Variants in HIF1AN observed in about 807,000 individuals in gnomAD.
HIF1AN encodes the protein hypoxia inducible factor 1 subunit alpha inhibitor.
Under a neutral mutation model 47.7 loss-of-function variants are expected in HIF1AN, and 21 were observed. The observed-to-expected ratio is 0.44, with a 90% confidence interval of 0.31 to 0.63. The LOEUF (loss-of-function observed/expected upper bound fraction) is 0.63, where lower values mean the gene tolerates loss of function less well. Among genes scored for constraint, HIF1AN ranks in the 30% least tolerant of loss-of-function variants. The pLI is 0.07. For synonymous variants in HIF1AN, 152 were observed against 155.9 expected, an observed-to-expected ratio of 0.98 and a Z score of 0.18; for missense variants, 320 against 432.7, an observed-to-expected ratio of 0.74 and a Z score of 2.31.
At chr10:100,543,861 G>C (rs1029953084) in intron 3 of HIF1AN, among the ~76,000 whole-genome samples, 3 of 152,338 alleles carry the variant, frequency 2.0e-5, no homozygotes, top group African/African-American at 7.2e-5. Context: ...GTGAGCCGCT[G>C]CGCCCGGCAG....
intron 3 of HIF1AN, among the ~76,000 whole-genome samples, chr10:100,543,582 CT>C (rs147350842): frequency 2.6e-5 from 4 of 151,764 alleles, no homozygotes; most frequent in African/African-American, 7.3e-5. Flanking sequence ...TTACTTGACT[CT>C]TTTTTTTGAG....
At position 100,544,852 on chromosome 10, in the gene HIF1AN, G is replaced by A. The variant is rs574339298; in HGVS notation, c.578-99G>A. 8 of 1,132,090 alleles carry A rather than the reference G, an allele frequency of 7.1e-6. No homozygotes were observed. In the African/African-American group the frequency reaches 1.1e-4, roughly 15 times the overall value. The allele number at this position is 1,132,090 out of a possible 1,614,324, so 70.1% of individuals were successfully genotyped here. On this transcript the variant is annotated intron_variant, in intron 3 of 7. Coordinates refer to ENST00000299163, the MANE Select transcript of HIF1AN (RefSeq NM_017902.3). ...AAATTTTGATTTGGAACTTTTAGCTGGGAGGGCAGGCTGGGTTTCTCTTTA... is the reference window on the plus strand; with the variant it reads ...AAATTTTGATTTGGAACTTTTAGCTAGGAGGGCAGGCTGGGTTTCTCTTTA...
rs1332774095 is a variant in HIF1AN, at chr10:100,550,154, G to A, written c.*2017G>A. The A allele has an allele frequency of 6.6e-6, 1 of 152,192 alleles. No individual in the cohort carries two copies. The highest frequency in any genetic ancestry group is 1.5e-5 in the Non-Finnish European group (1 of 68,040). 9.4% of individuals were successfully genotyped at this position (152,192 alleles called of 1,614,324 possible). On this transcript the variant is annotated 3_prime_UTR_variant, in exon 8 of 8. Coordinates refer to ENST00000299163, the MANE Select transcript of HIF1AN (RefSeq NM_017902.3). ...CTGTATTCCTCGCTCAGCGCTCAAA[G>A]ATGTGGGTGATGTGTCAAGGAGGCA...
rs370593146 is a variant in HIF1AN at position 100,555,519 on chromosome 10, C to T, written c.*7382C>T. On this transcript the variant is annotated 3_prime_UTR_variant, in exon 8 of 8. Coordinates refer to ENST00000299163, the MANE Select transcript of HIF1AN (RefSeq NM_017902.3). Reference sequence around the variant, plus strand: ...CTATCCCCACGCCCAGCCACCTCTCCTCCTCACTATAAGCCAAGTCTCCCT... The same window carrying T: ...CTATCCCCACGCCCAGCCACCTCTCTTCCTCACTATAAGCCAAGTCTCCCT... 19 of 152,304 alleles carry T rather than the reference C, an allele frequency of 1.2e-4. No individual in the cohort carries two copies. Among genetic ancestry groups the T allele is most frequent in the African/African-American group, 4.3e-4 (18 of 41,448 alleles). 9.4% of individuals were successfully genotyped at this position (152,304 alleles called of 1,614,324 possible).
At chr10:100,546,168 G>T in intron 5 of HIF1AN, 119 bp downstream of exon 5, 1 of 746,758 alleles carries the variant, frequency 1.3e-6, no homozygotes, top group Non-Finnish European at 2.3e-6. Flanking sequence ...CTATAGGAAG[G>T]TTGGCATATC....
rs537241390 is a variant in HIF1AN at position 100,546,496 on chromosome 10, G to A, written c.831-22G>A. The A allele has an allele frequency of 1.2e-5, 19 of 1,603,782 alleles. No individual in the cohort carries two copies. In the African/African-American group the frequency reaches 2.0e-4, roughly 17 times the overall value. On this transcript the variant is annotated intron_variant, in intron 5 of 7. Coordinates refer to ENST00000299163, the MANE Select transcript of HIF1AN (RefSeq NM_017902.3). Reference sequence around the variant, plus strand: ...CGCCAAAAGTATCAGTAGTAAACAGGAGCCTGTTTGTTTTCTTGCAGGTGG... The same window carrying A: ...CGCCAAAAGTATCAGTAGTAAACAGAAGCCTGTTTGTTTTCTTGCAGGTGG...
intron 3 of HIF1AN, among the ~76,000 whole-genome samples, chr10:100,543,619 CTG>C (rs1843067137): frequency 6.6e-6 from 1 of 152,200 alleles, no homozygotes; most frequent in Admixed American, 6.5e-5. Context: ...GTCGCCCAGA[CTG>C]GAGTGCAATG....
Position 100,536,089 on chromosome 10 carries a change from G to C in HIF1AN, c.131G>C (p.Arg44Pro). 3 of 1,610,840 alleles carry C rather than the reference G, an allele frequency of 1.9e-6. No homozygotes were observed. Among genetic ancestry groups the C allele is most frequent in the Non-Finnish European group, 2.5e-6 (3 of 1,178,642 alleles). The change falls in exon 1 of 8, where the codon CGT becomes CCT. Residue 44 changes from arginine to proline, a missense_variant. Coordinates refer to ENST00000299163, the MANE Select transcript of HIF1AN (RefSeq NM_017902.3). ...AGCTTCCCGACTAGGCCCATTCCGCGTCTGAGTCAGAGCGACCCCCGGGCA... is the reference window on the plus strand; with the variant it reads ...AGCTTCCCGACTAGGCCCATTCCGCCTCTGAGTCAGAGCGACCCCCGGGCA... Reference protein sequence around the residue: ...SYSFPTRPIPRLSQSDPRAEE... With the variant: ...SYSFPTRPIPPLSQSDPRAEE...
Position 100,550,222 on chromosome 10 carries a change from C to G in HIF1AN, c.*2085C>G, listed in dbSNP as rs1181740944. Reference sequence around the variant, plus strand: ...TGCTGAGTTATTTGCTGACACAGGTCTCACTAAGGTGGCTGAGGGGTGGGA... The same window carrying G: ...TGCTGAGTTATTTGCTGACACAGGTGTCACTAAGGTGGCTGAGGGGTGGGA... On this transcript the variant is annotated 3_prime_UTR_variant, in exon 8 of 8. Coordinates refer to ENST00000299163, the MANE Select transcript of HIF1AN (RefSeq NM_017902.3). 6.6e-6 allele frequency: 1 copy of G among 152,204 alleles called. No homozygotes were observed. The highest frequency in any genetic ancestry group is 2.4e-5 in the African/African-American group (1 of 41,434). The allele number at this position is 152,204 out of a possible 1,614,324, so 9.4% of individuals were successfully genotyped here.
chr10:100,545,136 T>C (rs1400560667), intron 4 of HIF1AN, 40 bp downstream of exon 4: 1 of 1,593,310 alleles, frequency 6.3e-7, no homozygotes, highest in Non-Finnish European at 8.6e-7. Context: ...GAACTCTAGA[T>C]TCTAGTAATG....
Position 100,554,475 on chromosome 10 carries a change from T to C in HIF1AN, c.*6338T>C, listed in dbSNP as rs1266811549. On this transcript the variant is annotated 3_prime_UTR_variant, in exon 8 of 8. Transcript: ENST00000299163. The stretch of plus-strand genomic sequence containing the variant: ...AGCATAGTGAGACCCCTTCTCTTAA[T>C]AATTTTTTTTGAAAATAATTTTTTA... 6.6e-6 allele frequency: 1 copy of C among 151,904 alleles called. No homozygotes were observed. The highest frequency in any genetic ancestry group is 2.4e-5 in the African/African-American group (1 of 41,358). The allele number at this position is 151,904 out of a possible 1,614,324, so 9.4% of individuals were successfully genotyped here.
rs1369625096 is a variant in HIF1AN at position 100,556,878 on chromosome 10, T to C, written c.*8741T>C. The C allele has an allele frequency of 6.6e-6, 1 of 152,192 alleles. No homozygotes were observed. Among genetic ancestry groups the C allele is most frequent in the Non-Finnish European group, 1.5e-5 (1 of 68,032 alleles). The allele number at this position is 152,192 out of a possible 1,614,324, so 9.4% of individuals were successfully genotyped here. A position where few individuals can be genotyped will look rare whatever the true frequency, so the allele number is the denominator to read the frequency against. ...TGGCTCAAGCACTCAGGAAAATGTTTTATTATGAAGACCAAGTGTCTCTGA... is the reference window on the plus strand; with the variant it reads ...TGGCTCAAGCACTCAGGAAAATGTTCTATTATGAAGACCAAGTGTCTCTGA... On this transcript the variant is annotated 3_prime_UTR_variant, in exon 8 of 8. Coordinates refer to ENST00000299163, the MANE Select transcript of HIF1AN (RefSeq NM_017902.3).
rs1843218828 is a variant in HIF1AN at position 100,556,884 on chromosome 10, T to C, written c.*8747T>C. 1.3e-5 allele frequency: 2 copies of C among 152,230 alleles called. No homozygotes were observed. Among genetic ancestry groups the C allele is most frequent in the Admixed American group, 6.5e-5 (1 of 15,284 alleles). The allele number at this position is 152,230 out of a possible 1,614,324, so 9.4% of individuals were successfully genotyped here. A position where few individuals can be genotyped will look rare whatever the true frequency, so the allele number is the denominator to read the frequency against. On this transcript the variant is annotated 3_prime_UTR_variant, in exon 8 of 8. Coordinates refer to ENST00000299163, the MANE Select transcript of HIF1AN (RefSeq NM_017902.3). ...AAGCACTCAGGAAAATGTTTTATTA[T>C]GAAGACCAAGTGTCTCTGAAAAGTG...
chr10:100,550,218 A>C lies in HIF1AN; in HGVS notation c.*2081A>C. ...TCCTTGCTGAGTTATTTGCTGACAC[A>C]GGTCTCACTAAGGTGGCTGAGGGGT... On this transcript the variant is annotated 3_prime_UTR_variant, in exon 8 of 8. Coordinates refer to ENST00000299163, the MANE Select transcript of HIF1AN (RefSeq NM_017902.3). 6.6e-6 allele frequency: 1 copy of C among 152,208 alleles called. No homozygotes were observed. Among genetic ancestry groups the C allele is most frequent in the East Asian group, 1.9e-4 (1 of 5,202 alleles). 9.4% of individuals were successfully genotyped at this position (152,208 alleles called of 1,614,324 possible).
chr10:100,543,860 T>C (rs1242234889), intron 3 of HIF1AN, among the ~76,000 whole-genome samples: 1 of 152,222 alleles, frequency 6.6e-6, no homozygotes, highest in African/African-American at 2.4e-5. Flanking sequence ...CGTGAGCCGC[T>C]GCGCCCGGCA....
At position 100,553,021 on chromosome 10, in the gene HIF1AN, T is replaced by C. The variant is rs1003084572; in HGVS notation, c.*4884T>C. The C allele has an allele frequency of 6.6e-6, 1 of 152,196 alleles. No homozygotes were observed. The highest frequency in any genetic ancestry group is 2.4e-5 in the African/African-American group (1 of 41,360). 9.4% of individuals were successfully genotyped at this position (152,196 alleles called of 1,614,324 possible). ...GGCACAACCTCAGAAACGGGAAGTC[T>C]TGAGGCCTGGGGGCGTGTGGTCAGT... On this transcript the variant is annotated 3_prime_UTR_variant, in exon 8 of 8. Coordinates refer to ENST00000299163, the MANE Select transcript of HIF1AN (RefSeq NM_017902.3).
intron 4 of HIF1AN, 67 bp from the exon 5 acceptor site, chr10:100,545,876 C>A: frequency 1.0e-6 from 1 of 992,184 alleles, no homozygotes; most frequent in Non-Finnish European, 1.6e-6. Context: ...GCCAAACTGG[C>A]ATATAGTAGT....
Position 100,556,126 on chromosome 10 carries a change from T to G in HIF1AN, c.*7989T>G, listed in dbSNP as rs775041118. On this transcript the variant is annotated 3_prime_UTR_variant, in exon 8 of 8. Transcript: ENST00000299163. ...TTTCTGTCTAAGTTCCTGTTTCTAG[T>G]CTCAGGGCATATCTAGTTGTCAGCT... is the stretch of plus-strand genomic sequence containing the variant. 3.3e-5 allele frequency: 5 copies of G among 152,222 alleles called. No individual in the cohort carries two copies. Among genetic ancestry groups the G allele is most frequent in the Non-Finnish European group, 5.9e-5 (4 of 68,064 alleles). 9.4% of individuals were successfully genotyped at this position (152,222 alleles called of 1,614,324 possible).
Position 100,559,479 on chromosome 10 carries a change from G to A in HIF1AN, c.*11342G>A, listed in dbSNP as rs1050682719. The A allele has an allele frequency of 6.6e-6, 1 of 152,142 alleles. No homozygotes were observed. Among genetic ancestry groups the A allele is most frequent in the Non-Finnish European group, 1.5e-5 (1 of 68,028 alleles). The allele number at this position is 152,142 out of a possible 1,614,324, so 9.4% of individuals were successfully genotyped here. On this transcript the variant is annotated 3_prime_UTR_variant, in exon 8 of 8. Transcript: ENST00000299163. ...TTCGACGCAGGCTGGAGTGCAGTGGGGCAAGCATGGCTCACTGCAGCCTCA... is the reference window on the plus strand; with the variant it reads ...TTCGACGCAGGCTGGAGTGCAGTGGAGCAAGCATGGCTCACTGCAGCCTCA...
Sources: allele counts gnomAD v4.1 joint callset (sites outside exome capture counted in the v4.1 genomes callset), GRCh38; gene constraint gnomAD v4.1.1; transcripts MANE v1.5; gene names NCBI Gene and HGNC (gene_info 2026-07-23, HGNC 2026-07-21).